CBLB: variants seen among roughly 807,000 people sequenced by gnomAD.
CBLB encodes the protein E3 ubiquitin-protein ligase CBL-B.
A neutral mutation model predicts 104.9 loss-of-function variants in CBLB; 31 were observed. The ratio of observed to expected loss-of-function variants is 0.30; its 90% CI spans 0.22 to 0.40. The LOEUF is 0.40. CBLB is among the 10% of genes least tolerant of loss of function. The probability of loss-of-function intolerance (pLI) is 1.00; values close to 1 mark genes in which losing one functional copy is unlikely to be tolerated. For synonymous variants in CBLB, 440 were observed against 422.6 expected (o/e 1.04, Z -0.51); for missense variants, 1,062 against 1,214.6 (o/e 0.87, Z 1.87).
At chr3:105,821,742 T>G (rs2085893538) in intron 3 of CBLB, among the ~76,000 whole-genome samples, 1 of 152,186 alleles carries the variant, frequency 6.6e-6, no homozygotes, top group Non-Finnish European at 1.5e-5. Context: ...GCTCACTGAT[T>G]TGTCCTTTCT....
At chr3:105,799,177 CAAAA>C (rs11372400) in intron 3 of CBLB, among the ~76,000 whole-genome samples, 1 of 70,198 alleles carries the variant, frequency 1.4e-5, no homozygotes, top group Non-Finnish European at 3.3e-5. Context: ...TGACAAAGAA[CAAAA>C]AAAAAAAAAA....
chr3:105,713,036 G>A (rs1031689094), intron 10 of CBLB, among the ~76,000 whole-genome samples: 4 of 152,130 alleles, frequency 2.6e-5, no homozygotes, highest in Non-Finnish European at 4.4e-5. Context: ...TTGGGAGGCC[G>A]AAGTGGAAGG....
At chr3:105,857,593 T>G (rs971269272) in intron 2 of CBLB, among the ~76,000 whole-genome samples, 3 of 152,228 alleles carry the variant, frequency 2.0e-5, no homozygotes, top group African/African-American at 7.2e-5. Flanking sequence ...CTTCTGAATC[T>G]CGGGCTGATC....
chr3:105,793,212 A>G (rs1221886722), intron 3 of CBLB, among the ~76,000 whole-genome samples: 1 of 152,072 alleles, frequency 6.6e-6, no homozygotes. Context: ...ATTTGAAAGG[A>G]GCAGCTGCAG....
At chr3:105,848,214 G>GA (rs922137907) in intron 3 of CBLB, among the ~76,000 whole-genome samples, 51 of 152,122 alleles carry the variant, frequency 3.4e-4, no homozygotes, top group African/African-American at 1.2e-3. Context: ...AACAATTTGG[G>GA]AAAAATGATA....
intron 13 of CBLB, among the ~76,000 whole-genome samples, chr3:105,688,510 G>A (rs574372440): frequency 1.3e-5 from 2 of 152,146 alleles, no homozygotes; most frequent in African/African-American, 4.8e-5. Context: ...TAATTAGTAA[G>A]CTTGTTTTCT....
chr3:105,816,292 C>T (rs533906088), intron 3 of CBLB, among the ~76,000 whole-genome samples: 63 of 152,222 alleles, frequency 4.1e-4, no homozygotes, highest in Middle Eastern at 3.4e-3. Context: ...AGTAAATTGA[C>T]TGCCCTTATT....
At chr3:105,769,976 G>T (rs899454992) in intron 4 of CBLB, among the ~76,000 whole-genome samples, 4 of 152,156 alleles carry the variant, frequency 2.6e-5, no homozygotes. Context: ...TTTATGTATG[G>T]AGAGGAGAGG....
intron 10 of CBLB, among the ~76,000 whole-genome samples, chr3:105,705,391 C>T (rs1383951003): frequency 6.6e-6 from 1 of 152,054 alleles, no homozygotes. Flanking sequence ...TTTTTCTTCT[C>T]CAGGATTTCA....
In CBLB at chr3:105,839,224, C is replaced by T. The variant is rs151089028; in HGVS notation, c.419+14190G>A. 4.4e-3 allele frequency among the ~76,000 whole-genome samples: 670 copies of T among 152,202 alleles called. 4 individuals carry two copies. The highest frequency in any genetic ancestry group is 0.014 in the Middle Eastern group (4 of 294). On this transcript the variant is annotated intron_variant, in intron 3 of 18. Coordinates refer to ENST00000394030, the MANE Select transcript of CBLB (RefSeq NM_170662.5). ...ATAATCATTTCAGAGGATTAGAATG[C>T]ATCTGATCCATGGAAAATGCAGGAA...
intron 3 of CBLB, among the ~76,000 whole-genome samples, chr3:105,849,758 G>A (rs2089091): frequency 0.21 from 32,292 of 151,842 alleles, 3,629 homozygotes; most frequent in East Asian, 0.42. Context: ...TCAATGTACT[G>A]ATACCCTAAA....
Position 105,743,032 on chromosome 3 carries a change from C to T in CBLB, c.846-2401G>A, listed in dbSNP as rs182249225. ...CAAGGGCATTTTAGAACAATTTCTT[C>T]CTCTCATGCACCTTTTTCCTATTCC... On this transcript the variant is annotated intron_variant, in intron 6 of 18. Coordinates refer to ENST00000394030, the MANE Select transcript of CBLB (RefSeq NM_170662.5). Among the ~76,000 whole-genome samples, 896 of 152,278 alleles carry T rather than the reference C, an allele frequency of 5.9e-3. 14 individuals carry two copies. Among genetic ancestry groups the T allele is most frequent in the Non-Finnish European group, 6.9e-3 (471 of 68,016 alleles).
rs1254328212 is a variant in CBLB, at chr3:105,720,340, AC to A, written c.1204-91del. On this transcript the variant is annotated intron_variant, in intron 9 of 18. Transcript: ENST00000394030. ...AATGTTCTACAACTATAAAAGTCACACCCCCAAAAAGACTTTTTGGGGTAGG... is the reference window on the plus strand; with the variant it reads ...AATGTTCTACAACTATAAAAGTCACACCCCAAAAAGACTTTTTGGGGTAGG... The A allele has an allele frequency of 4.7e-6, 6 of 1,287,402 alleles. No individual in the cohort carries two copies. The Admixed American group carries it at 1.0e-4, about 22-fold the overall frequency. The allele number at this position is 1,287,402 out of a possible 1,614,324, so 79.7% of individuals were successfully genotyped here. A position where few individuals can be genotyped will look rare whatever the true frequency, so the allele number is the denominator to read the frequency against.
At chr3:105,773,807 C>T (rs1274982819) in intron 4 of CBLB, among the ~76,000 whole-genome samples, 1 of 152,186 alleles carries the variant, frequency 6.6e-6, no homozygotes. Flanking sequence ...AAAAGCATGA[C>T]TGCATTGTTA....
intron 2 of CBLB, among the ~76,000 whole-genome samples, chr3:105,859,949 T>A (rs754200018): frequency 2.0e-4 from 31 of 152,208 alleles, no homozygotes; most frequent in Non-Finnish European, 2.8e-4. Context: ...ATAAAATTGA[T>A]CATGAGTCCA....
intron 1 of CBLB, chr3:105,868,263 A>C: frequency 1.6e-6 from 2 of 1,227,812 alleles, no homozygotes; most frequent in Non-Finnish European, 2.0e-6. Context: ...GAGAAAAATG[A>C]CAAGAGCGGC....
intron 10 of CBLB, among the ~76,000 whole-genome samples, chr3:105,715,455 T>G (rs2071717099): frequency 6.6e-6 from 1 of 152,198 alleles, no homozygotes; most frequent in Non-Finnish European, 1.5e-5. Context: ...ATACACTATA[T>G]GTTTAGTATG....
chr3:105,715,440 T>C (rs1228364875), intron 10 of CBLB, among the ~76,000 whole-genome samples: 1 of 152,176 alleles, frequency 6.6e-6, no homozygotes, highest in Non-Finnish European at 1.5e-5. Flanking sequence ...AAAGAAATAA[T>C]AGAAATACAC....
intron 3 of CBLB, among the ~76,000 whole-genome samples, chr3:105,847,392 C>CCCCA (rs1553857959): frequency 7.0e-6 from 1 of 143,438 alleles, no homozygotes; most frequent in Non-Finnish European, 1.5e-5. Context: ...TAACCCTCCA[C>CCCCA]CACACACACA....
Sources: allele counts gnomAD v4.1 joint callset (sites outside exome capture counted in the v4.1 genomes callset), GRCh38; gene constraint gnomAD v4.1.1; transcripts MANE v1.5; gene names NCBI Gene and HGNC (gene_info 2026-07-23, HGNC 2026-07-21).